The following MTHFD2L variants were observed in gnomAD, a reference collection of about 807,000 sequenced individuals.
MTHFD2L encodes the protein methylenetetrahydrofolate dehydrogenase (NADP+ dependent) 2 like, also known as bifunctional methylenetetrahydrofolate dehydrogenase/cyclohydrolase 2, mitochondrial.
A neutral mutation model predicts 34.9 loss-of-function variants in MTHFD2L; 29 were observed. The observed-to-expected ratio is 0.83, with a 90% confidence interval of 0.62 to 1.13. The LOEUF is 1.13. Among genes scored for constraint, MTHFD2L ranks in the 50% most tolerant of loss-of-function variants. The pLI is 0.00. For synonymous variants in MTHFD2L, 167 were observed against 155.7 expected (o/e 1.07, Z -0.54); for missense variants, 481 against 446.5 (o/e 1.08, Z -0.70).
At chr4:74,179,209 G>C (rs1459432142) in intron 3 of MTHFD2L, among the ~76,000 whole-genome samples, 1 of 152,022 alleles carries the variant, frequency 6.6e-6, no homozygotes, top group Admixed American at 6.6e-5. Context: ...TAAACTTCTT[G>C]TTACGTTTTA....
At chr4:74,241,554 G>A (rs993200411) in intron 6 of MTHFD2L, 2 of 447,272 alleles carry the variant, frequency 4.5e-6, no homozygotes, top group Non-Finnish European at 9.0e-6. Context: ...GCTAATTTTT[G>A]TATTTTTTGT....
At chr4:74,194,063 G>A (rs1216464483) in intron 3 of MTHFD2L, 1 of 152,088 alleles carries the variant, frequency 6.6e-6, no homozygotes, top group Admixed American at 6.5e-5. Context: ...TATCAGATTG[G>A]GGACTTAAAG....
At chr4:74,168,716 G>C (rs1458631876) in intron 1 of MTHFD2L, among the ~76,000 whole-genome samples, 1 of 152,124 alleles carries the variant, frequency 6.6e-6, no homozygotes, top group Non-Finnish European at 1.5e-5. Flanking sequence ...TAACCAGGGA[G>C]GTGCTGTAAT....
At chr4:74,280,136 T>G (rs1248894928) in intron 6 of MTHFD2L, 1 of 152,120 alleles carries the variant, frequency 6.6e-6, no homozygotes, top group East Asian at 1.9e-4. Flanking sequence ...GATAGAATAA[T>G]AAAGATGATC....
chr4:74,267,289 CT>C (rs1313457028), intron 6 of MTHFD2L: 7 of 818,312 alleles, frequency 8.6e-6, no homozygotes, highest in Non-Finnish European at 1.0e-5. Flanking sequence ...CTATTCTATT[CT>C]TTTCTTTTCT....
intron 6 of MTHFD2L, among the ~76,000 whole-genome samples, chr4:74,238,985 G>A (rs1270830768): frequency 6.6e-6 from 1 of 152,172 alleles, no homozygotes; most frequent in East Asian, 1.9e-4. Flanking sequence ...CCATTACTGG[G>A]TATACACCCA....
chr4:74,207,593 C>T (rs1345151382), intron 5 of MTHFD2L, among the ~76,000 whole-genome samples: 1 of 152,180 alleles, frequency 6.6e-6, no homozygotes, highest in Non-Finnish European at 1.5e-5. Flanking sequence ...TCCGAAGGCA[C>T]TGCCTCTGCA....
chr4:74,152,702 G>T (rs1724017325), intron 1 of MTHFD2L, among the ~76,000 whole-genome samples: 2 of 151,996 alleles, frequency 1.3e-5, no homozygotes, highest in South Asian at 4.1e-4. Flanking sequence ...AGGCCCCAGT[G>T]TGTGATGTTC....
intron 6 of MTHFD2L, chr4:74,241,605 TG>T (rs1741723976): frequency 2.2e-6 from 1 of 444,540 alleles, no homozygotes; most frequent in African/African-American, 2.0e-5. Flanking sequence ...CTCCAACTCC[TG>T]AACTCAAGCG....
At chr4:74,154,973 C>T (rs994992217), upstream of MTHFD2L, among the ~76,000 whole-genome samples, 7 of 152,144 alleles carry the variant, frequency 4.6e-5, no homozygotes, top group African/African-American at 1.7e-4. Flanking sequence ...CTAGCCTCCT[C>T]CCATTGCTTA....
intron 2 of MTHFD2L, among the ~76,000 whole-genome samples, chr4:74,115,959 A>T (rs1356603702): frequency 6.6e-6 from 1 of 152,220 alleles, no homozygotes; most frequent in African/African-American, 2.4e-5. Flanking sequence ...AGGGGAAAAA[A>T]TATAAAGTAT....
intron 3 of MTHFD2L, among the ~76,000 whole-genome samples, chr4:74,188,174 G>A (rs1243827975): frequency 1.3e-5 from 2 of 152,156 alleles, no homozygotes; most frequent in African/African-American, 2.4e-5. Context: ...TGAATTGACA[G>A]CATATCCGTG....
At chr4:74,295,846 C>T (rs1749564204) in intron 7 of MTHFD2L, among the ~76,000 whole-genome samples, 1 of 152,112 alleles carries the variant, frequency 6.6e-6, no homozygotes, top group African/African-American at 2.4e-5. Flanking sequence ...CTCCCCTACA[C>T]TGTCTATTCT....
At chr4:74,246,980 A>G (rs1278870228) in intron 6 of MTHFD2L, among the ~76,000 whole-genome samples, 3 of 151,622 alleles carry the variant, frequency 2.0e-5, no homozygotes, top group Admixed American at 6.6e-5. Context: ...TTGGTTCCAT[A>G]TGAACTTTCA....
chr4:74,209,631 T>C (rs1735960878), intron 5 of MTHFD2L, among the ~76,000 whole-genome samples: 1 of 152,222 alleles, frequency 6.6e-6, no homozygotes, highest in African/African-American at 2.4e-5. Flanking sequence ...TCTTTGCTGT[T>C]GTGAATAGTG....
chr4:74,255,451 A>T (rs2110209531), intron 6 of MTHFD2L, among the ~76,000 whole-genome samples: 1 of 152,316 alleles, frequency 6.6e-6, no homozygotes, highest in South Asian at 2.1e-4. Flanking sequence ...GGAACTAGAA[A>T]ACAGTAAGAA....
At chr4:74,207,659 A>G (rs1735572797) in intron 5 of MTHFD2L, among the ~76,000 whole-genome samples, 1 of 151,980 alleles carries the variant, frequency 6.6e-6, no homozygotes, top group African/African-American at 2.4e-5. Flanking sequence ...ACTGTATCTC[A>G]GGTAGTTTTT....
intron 1 of MTHFD2L, among the ~76,000 whole-genome samples, chr4:74,128,735 A>T (rs1330547298): frequency 1.3e-5 from 2 of 151,878 alleles, no homozygotes; most frequent in East Asian, 3.9e-4. Context: ...AAATTTGAGA[A>T]TTTTTTTCTA....
chr4:74,270,778 G>A (rs1289758429), intron 6 of MTHFD2L, among the ~76,000 whole-genome samples: 3 of 152,130 alleles, frequency 2.0e-5, no homozygotes, highest in African/African-American at 7.2e-5. Context: ...CTAGTTTACA[G>A]TCCCACCAAC....
Sources: allele counts gnomAD v4.1 joint callset (sites outside exome capture counted in the v4.1 genomes callset), GRCh38; gene constraint gnomAD v4.1.1; transcripts MANE v1.5; gene names NCBI Gene and HGNC (gene_info 2026-07-23, HGNC 2026-07-21).